The following EYA4 variants were observed in gnomAD, a reference collection of about 807,000 sequenced individuals.
EYA4 encodes EYA transcriptional coactivator and phosphatase 4.
EYA4 carries 31 observed loss-of-function variants against 87.9 expected under a neutral mutation model. The observed-to-expected ratio is 0.35, with a 90% confidence interval of 0.27 to 0.48. The LOEUF (loss-of-function observed/expected upper bound fraction) is 0.48. EYA4 is among the 20% of genes least tolerant of loss of function. The pLI is 0.99. For missense variants in EYA4, 678 were observed against 761.4 expected (o/e 0.89, Z 1.29); for synonymous variants, 263 against 270.6 (o/e 0.97, Z 0.28).
At chr6:133,378,300 A>G (rs1217916018) in intron 2 of EYA4, among the ~76,000 whole-genome samples, 2 of 152,122 alleles carry the variant, frequency 1.3e-5, no homozygotes, top group African/African-American at 2.4e-5. Flanking sequence ...CTCTTTGCAC[A>G]TTAGTTTTCT....
At chr6:133,337,458 T>C (rs1462497049) in intron 2 of EYA4, among the ~76,000 whole-genome samples, 3 of 152,182 alleles carry the variant, frequency 2.0e-5, no homozygotes, top group Non-Finnish European at 2.9e-5. Flanking sequence ...AGAATGTTGG[T>C]GTCAGACACA....
intron 3 of EYA4, among the ~76,000 whole-genome samples, chr6:133,425,852 G>A (rs1021437699): frequency 1.3e-5 from 2 of 150,580 alleles, no homozygotes; most frequent in African/African-American, 5.0e-5. Context: ...CTCTCCATTT[G>A]CTCCTCATTG....
At position 133,357,257 on chromosome 6, in the gene EYA4, C is replaced by T. The variant is rs369725756; in HGVS notation, c.34-25135C>T. 5.4e-5 allele frequency among the ~76,000 whole-genome samples: 6 copies of T among 110,196 alleles called. No individual in the cohort carries two copies. The East Asian group carries it at 1.0e-3, about 19-fold the overall frequency. 72.3% of individuals were successfully genotyped at this position (110,196 alleles called of 152,430 possible). Reference sequence around the variant, plus strand: ...CTGCACTCCAGCCTGGGCGACAGAGCGAGACTCCGTCTCAAAAAAAAAAAA... The same window carrying T: ...CTGCACTCCAGCCTGGGCGACAGAGTGAGACTCCGTCTCAAAAAAAAAAAA... On this transcript the variant is annotated intron_variant, in intron 2 of 19. Transcript: ENST00000355286.
chr6:133,307,878 G>T (rs1779926219), intron 2 of EYA4, among the ~76,000 whole-genome samples: 1 of 152,130 alleles, frequency 6.6e-6, no homozygotes, highest in African/African-American at 2.4e-5. Flanking sequence ...ATCTTGAATT[G>T]CAGCTCCCTC....
At chr6:133,428,417 T>A (rs1480445278) in intron 3 of EYA4, among the ~76,000 whole-genome samples, 1 of 152,142 alleles carries the variant, frequency 6.6e-6, no homozygotes, top group East Asian at 1.9e-4. Flanking sequence ...AGACGTGACG[T>A]CAAGAAACCA....
Position 133,530,553 on chromosome 6 carries a change from A to C in EYA4, c.*1748A>C. The C allele has an allele frequency of 1.0e-6, 1 of 985,842 alleles. No individual in the cohort carries two copies. The highest frequency in any genetic ancestry group is 6.1e-5 in the Admixed American group (1 of 16,274). The allele number at this position is 985,842 out of a possible 1,614,324, so 61.1% of individuals were successfully genotyped here. ...TAGCCAGAGGCTGGTTCATGAGTTC[A>C]TCAACTGAGGCCTCTGTGGCTTCAA... On this transcript the variant is annotated 3_prime_UTR_variant, in exon 20 of 20. Coordinates refer to ENST00000355286, the MANE Select transcript of EYA4 (RefSeq NM_004100.5).
intron 10 of EYA4, among the ~76,000 whole-genome samples, 182 bp from the exon 11 acceptor site, chr6:133,468,384 A>G (rs914384449): frequency 5.3e-5 from 8 of 152,060 alleles, no homozygotes; most frequent in Admixed American, 2.0e-4. Flanking sequence ...TTTCACTACT[A>G]TATGTTTGTA....
intron 11 of EYA4, among the ~76,000 whole-genome samples, chr6:133,480,420 A>G (rs1306634335): frequency 6.6e-6 from 1 of 152,126 alleles, no homozygotes; most frequent in Non-Finnish European, 1.5e-5. Flanking sequence ...GATAAATTGG[A>G]TATCAATAAG....
chr6:133,457,242 A>G (rs1793988778), intron 6 of EYA4, among the ~76,000 whole-genome samples: 1 of 152,216 alleles, frequency 6.6e-6, no homozygotes, highest in South Asian at 2.1e-4. Context: ...CCTTTAAAAT[A>G]TAAATACCTG....
intron 3 of EYA4, among the ~76,000 whole-genome samples, chr6:133,436,494 G>A (rs1791696310): frequency 6.6e-6 from 1 of 151,996 alleles, no homozygotes; most frequent in South Asian, 2.1e-4. Context: ...ACTATTCTAG[G>A]AATAGGGAAA....
chr6:133,404,378 C>A (rs1009189074), intron 3 of EYA4, among the ~76,000 whole-genome samples: 10 of 152,190 alleles, frequency 6.6e-5, no homozygotes, highest in African/African-American at 2.4e-4. Context: ...TATTGAAGAG[C>A]TTTGTTTGTC....
chr6:133,489,171 G>C (rs760504620), intron 13 of EYA4, among the ~76,000 whole-genome samples: 219 of 152,226 alleles, frequency 1.4e-3, no homozygotes, highest in Non-Finnish European at 2.8e-3. Flanking sequence ...GAATTAGTGA[G>C]CTTGAAGACA....
At chr6:133,271,106 C>A (rs1025852505) in intron 1 of EYA4, among the ~76,000 whole-genome samples, 2 of 152,148 alleles carry the variant, frequency 1.3e-5, no homozygotes, top group Admixed American at 1.3e-4. Flanking sequence ...AGTGGTGCCA[C>A]TTCCACTTCC....
rs189993283 is a variant in EYA4 at position 133,301,851 on chromosome 6, C to T, written c.33+27038C>T. The stretch of plus-strand genomic sequence containing the variant: ...TTTTGAAGGAGGAAGCGCTGGGCTT[C>T]AGGAGCAGAAGGATGAATGTGACAT... On this transcript the variant is annotated intron_variant, in intron 2 of 19. Coordinates refer to ENST00000355286, the MANE Select transcript of EYA4 (RefSeq NM_004100.5). 9.7e-4 allele frequency among the ~76,000 whole-genome samples: 147 copies of T among 152,322 alleles called. 1 individual carries two copies. The highest frequency in any genetic ancestry group is 3.1e-3 in the Admixed American group (47 of 15,298).
chr6:133,274,158 A>T (rs1275418226), intron 1 of EYA4, among the ~76,000 whole-genome samples: 2 of 152,166 alleles, frequency 1.3e-5, no homozygotes, highest in Non-Finnish European at 2.9e-5. Flanking sequence ...ATTACTAATT[A>T]TCTTTCCCAT....
At chr6:133,474,209 G>T (rs759343338) in intron 11 of EYA4, among the ~76,000 whole-genome samples, 1 of 151,988 alleles carries the variant, frequency 6.6e-6, no homozygotes, top group Non-Finnish European at 1.5e-5. Context: ...TACCAAGAAT[G>T]AAACCCATTT....
intron 2 of EYA4, among the ~76,000 whole-genome samples, chr6:133,298,463 A>ATG (rs368889102): frequency 6.6e-6 from 1 of 152,036 alleles, no homozygotes; most frequent in Admixed American, 6.6e-5. Flanking sequence ...GTGTATGTAT[A>ATG]TGTGTGTGTG....
At chr6:133,246,794 A>G (rs1230687803) in intron 1 of EYA4, 1 of 152,164 alleles carries the variant, frequency 6.6e-6, no homozygotes, top group African/African-American at 2.4e-5. Flanking sequence ...AAGCATTTAT[A>G]TGGATTAGCT....
intron 2 of EYA4, among the ~76,000 whole-genome samples, chr6:133,292,724 A>G (rs1778588402): frequency 6.6e-6 from 1 of 152,222 alleles, no homozygotes; most frequent in African/African-American, 2.4e-5. Context: ...AAGCATCTTT[A>G]AACAATATTT....
Sources: gnomAD v4.1 joint callset for allele counts (sites outside exome capture counted in the v4.1 genomes callset) on GRCh38, gnomAD v4.1.1 for gene constraint, MANE v1.5 for transcripts, NCBI Gene and HGNC (gene_info 2026-07-23, HGNC 2026-07-21) for gene names.